The following DNM2 variants were observed in gnomAD, a reference collection of about 807,000 sequenced individuals.
DNM2 encodes the protein dynamin-2.
A neutral mutation model predicts 99.0 loss-of-function variants in DNM2; 15 were observed. The observed-to-expected ratio is 0.15, with a 90% CI of 0.10 to 0.23. DNM2 has a LOEUF of 0.23. Among genes scored for constraint, DNM2 ranks in the 10% least tolerant of loss-of-function variants. DNM2 has a pLI of 1.00. For missense variants in DNM2, 742 were observed against 1,189.4 expected (o/e 0.62, Z 5.53); for synonymous variants, 525 against 481.2 (o/e 1.09, Z -1.19).
At chr19:10,732,454 G>A (rs2069361856) in intron 1 of DNM2, among the ~76,000 whole-genome samples, 1 of 151,678 alleles carries the variant, frequency 6.6e-6, no homozygotes, top group South Asian at 2.1e-4. Context: ...CAAAGAATTA[G>A]CTGGGCGTGG....
Position 10,718,525 on chromosome 19 carries a change from C to A in DNM2, c.161+122C>A, listed in dbSNP as rs116956287. On this transcript the variant is annotated intron_variant, in intron 1 of 20. Transcript: ENST00000389253. ...CGCTTGCGTGCCCGCGGCGGGGAAC[C>A]GGACGGGGTCGGGGAGGCGGGCCCT... The A allele has an allele frequency of 0.038, 47,148 of 1,232,024 alleles. 1,085 individuals carry two copies. Among genetic ancestry groups the A allele is most frequent in the South Asian group, 0.11 (3,370 of 31,862 alleles). The allele number at this position is 1,232,024 out of a possible 1,614,324, so 76.3% of individuals were successfully genotyped here. A position where few individuals can be genotyped will look rare whatever the true frequency, so the allele number is the denominator to read the frequency against.
At position 10,775,968 on chromosome 19, in the gene DNM2, C is replaced by T. The variant is rs986313724; in HGVS notation, c.589+62C>T. On this transcript the variant is annotated intron_variant, in intron 4 of 20. Coordinates refer to ENST00000389253, the MANE Select transcript of DNM2 (RefSeq NM_001005361.3). This position sits in a 1 kb window ranked among gnomAD's most constrained non-coding sequence, Gnocchi z 4.3. Reference sequence around the variant, plus strand: ...GCCTCTGAGCATGGGATGTGCCCAGCATCCTTGGTTCCAAGTCACTGGCGT... The same window carrying T: ...GCCTCTGAGCATGGGATGTGCCCAGTATCCTTGGTTCCAAGTCACTGGCGT... 3.8e-6 allele frequency: 6 copies of T among 1,581,846 alleles called. No homozygotes were observed. The highest frequency in any genetic ancestry group is 2.2e-5 in the South Asian group (2 of 89,938).
At chr19:10,722,419 CAG>C (rs752491563) in intron 1 of DNM2, among the ~76,000 whole-genome samples, 9 of 152,328 alleles carry the variant, frequency 5.9e-5, no homozygotes, top group Non-Finnish European at 1.3e-4. Flanking sequence ...CATTTAGCCT[CAG>C]GGGCTGGCCA....
Position 10,831,121 on chromosome 19 carries a change from C to G in DNM2, c.*74C>G. On this transcript the variant is annotated 3_prime_UTR_variant, in exon 21 of 21. Coordinates refer to ENST00000389253, the MANE Select transcript of DNM2 (RefSeq NM_001005361.3). This position sits in a 1 kb window ranked among gnomAD's most constrained non-coding sequence, Gnocchi z 4.3. Reference sequence around the variant, plus strand: ...AGGAGCTTCAGTGGTCTGGGGCCCTCCGCCGCCCCTATGCTGGGACCAGGC... The same window carrying G: ...AGGAGCTTCAGTGGTCTGGGGCCCTGCGCCGCCCCTATGCTGGGACCAGGC... 6.6e-7 allele frequency: 1 copy of G among 1,510,940 alleles called. No homozygotes were observed. The highest frequency in any genetic ancestry group is 2.2e-5 in the Admixed American group (1 of 46,152). The allele number at this position is 1,510,940 out of a possible 1,614,324, so 93.6% of individuals were successfully genotyped here. A position where few individuals can be genotyped will look rare whatever the true frequency, so the allele number is the denominator to read the frequency against.
intron 7 of DNM2, among the ~76,000 whole-genome samples, chr19:10,788,248 A>G (rs1568301430): frequency 6.6e-6 from 1 of 151,962 alleles, no homozygotes; most frequent in East Asian, 1.9e-4. Flanking sequence ...AAAAAAAAAA[A>G]AAAGAAGTTG....
chr19:10,747,413 T>G (rs1036048848), intron 1 of DNM2, among the ~76,000 whole-genome samples: 1 of 152,138 alleles, frequency 6.6e-6, no homozygotes, highest in South Asian at 2.1e-4. Context: ...CTCCTGCTTT[T>G]GCTCCCAGCC....
At chr19:10,786,732 C>A (rs976666613) in intron 7 of DNM2, 26 bp downstream of exon 7, 1 of 1,613,724 alleles carries the variant, frequency 6.2e-7, no homozygotes, top group Non-Finnish European at 8.5e-7. Flanking sequence ...CCCACCACCA[C>A]CACCACCCTG....
Position 10,802,328 on chromosome 19 carries a change from C to T in DNM2, c.1463C>T (p.Thr488Met), listed in dbSNP as rs746903992. Residue 488 changes from threonine to methionine, a missense_variant, in exon 12 of 21, where the codon ACG becomes ATG. Thr to Met is a moderately conservative substitution (Grantham distance 81). Transcript: ENST00000389253. ...GACATTGAGCAGTCCTACATCAACA[C>T]GAACCATGAGGACTTCATCGGGTTT... Reference protein sequence around the residue: ...LIDIEQSYINTNHEDFIGFAN... With the variant: ...LIDIEQSYINMNHEDFIGFAN... The T allele has an allele frequency of 5.0e-6, 8 of 1,614,190 alleles. No individual in the cohort carries two copies. The highest frequency in any genetic ancestry group is 1.1e-5 in the South Asian group (1 of 91,082).
In DNM2 at chr19:10,798,620, A is replaced by G. The variant is rs778093715; in HGVS notation, c.1422+48A>G. The G allele has an allele frequency of 2.5e-6, 4 of 1,605,302 alleles. No individual in the cohort carries two copies. The African/African-American group carries it at 4.0e-5, about 16-fold the overall frequency. On this transcript the variant is annotated intron_variant, in intron 11 of 20. Transcript: ENST00000389253. ...ATTGGGTATAATTTACATGCAGTAAATGTCAAGTGTACTGTTCTGTGCATG... is the reference window on the plus strand; with the variant it reads ...ATTGGGTATAATTTACATGCAGTAAGTGTCAAGTGTACTGTTCTGTGCATG...
intron 15 of DNM2, among the ~76,000 whole-genome samples, chr19:10,814,901 G>C (rs572908216): frequency 1.3e-5 from 2 of 152,332 alleles, no homozygotes; most frequent in Non-Finnish European, 2.9e-5. Flanking sequence ...CTGTGTGATA[G>C]CTTGTTGCTA....
intron 2 of DNM2, chr19:10,768,409 G>A (rs560246188): frequency 6.6e-6 from 1 of 152,172 alleles, no homozygotes; most frequent in East Asian, 1.9e-4. Context: ...AGCCGAGATT[G>A]CACTACTACA....
At chr19:10,797,305 T>C in intron 9 of DNM2, 75 bp from the exon 10 acceptor site, 1 of 1,590,728 alleles carries the variant, frequency 6.3e-7, no homozygotes, top group Admixed American at 1.7e-5. Context: ...CTTCTCTCTG[T>C]CTCCTGTCCT....
chr19:10,762,708 T>G (rs2070674833), intron 2 of DNM2, among the ~76,000 whole-genome samples: 2 of 152,176 alleles, frequency 1.3e-5, no homozygotes, highest in African/African-American at 4.8e-5. Context: ...ACCACTTGCC[T>G]TAGGGCACAT....
chr19:10,804,093 G>A (rs1351938958), intron 12 of DNM2, among the ~76,000 whole-genome samples: 11 of 152,240 alleles, frequency 7.2e-5, no homozygotes, highest in South Asian at 2.1e-4. Flanking sequence ...AGGCCCCATC[G>A]CCAGGAGGGC....
intron 3 of DNM2, among the ~76,000 whole-genome samples, chr19:10,773,470 A>G (rs1041139215): frequency 7.3e-6 from 1 of 137,068 alleles, no homozygotes; most frequent in African/African-American, 2.8e-5. Flanking sequence ...TTTTTTTGAG[A>G]CAGAGTCTCG....
chr19:10,766,866 C>T (rs1354252180), intron 2 of DNM2, among the ~76,000 whole-genome samples: 2 of 152,140 alleles, frequency 1.3e-5, no homozygotes, highest in Non-Finnish European at 2.9e-5. Flanking sequence ...CCCTCAGAGT[C>T]CCCAGGGCCT....
intron 1 of DNM2, among the ~76,000 whole-genome samples, chr19:10,740,411 T>G (rs1214720440): frequency 8.6e-5 from 13 of 151,932 alleles, no homozygotes; most frequent in South Asian, 2.1e-4. Flanking sequence ...AGTCTCGCTC[T>G]GTCGCCCAGG....
At chr19:10,731,611 C>T (rs1599432467) in intron 1 of DNM2, among the ~76,000 whole-genome samples, 1 of 152,246 alleles carries the variant, frequency 6.6e-6, no homozygotes, top group South Asian at 2.1e-4. Flanking sequence ...GCCTCGGCCT[C>T]CCAAGGCTCT....
At chr19:10,747,994 C>A (rs551863111) in intron 1 of DNM2, among the ~76,000 whole-genome samples, 2 of 152,042 alleles carry the variant, frequency 1.3e-5, no homozygotes, top group Non-Finnish European at 1.5e-5. Context: ...TGGTGTGTTT[C>A]GGGAACATGG....
Sources: allele counts gnomAD v4.1 joint callset (sites outside exome capture counted in the v4.1 genomes callset), GRCh38; gene constraint gnomAD v4.1.1; non-coding constraint Gnocchi (gnomAD v3.1); transcripts MANE v1.5; gene names NCBI Gene and HGNC (gene_info 2026-07-23, HGNC 2026-07-21).